Variants in PPP6R3 observed in about 807,000 individuals in gnomAD.
PPP6R3 encodes protein phosphatase 6 regulatory subunit 3.
PPP6R3 carries 38 observed loss-of-function variants against 110.7 expected under a neutral mutation model. The ratio of observed to expected loss-of-function variants is 0.34; its 90% CI spans 0.26 to 0.45. PPP6R3 has a LOEUF of 0.45. Ranked by LOEUF, PPP6R3 falls within the 20% of genes least tolerant of loss-of-function variation. The pLI, the probability that PPP6R3 is intolerant of heterozygous loss-of-function variation, is 1.00. For missense variants in PPP6R3, 870 were observed against 1,062.4 expected (o/e 0.82, Z 2.52); for synonymous variants, 369 against 373.5 (o/e 0.99, Z 0.14).
intron 1 of PPP6R3, among the ~76,000 whole-genome samples, chr11:68,472,743 A>G (rs2098801140): frequency 6.6e-6 from 1 of 152,132 alleles, no homozygotes; most frequent in Non-Finnish European, 1.5e-5. Flanking sequence ...ACCACAATCT[A>G]ACTTTGTAAC....
intron 3 of PPP6R3, among the ~76,000 whole-genome samples, chr11:68,540,779 TC>T (rs930294519): frequency 8.5e-5 from 13 of 152,180 alleles, no homozygotes; most frequent in African/African-American, 2.9e-4. Flanking sequence ...GCGATATTTC[TC>T]CCATTTGCTT....
chr11:68,492,943 C>T (rs2153445481), intron 1 of PPP6R3, among the ~76,000 whole-genome samples: 1 of 152,248 alleles, frequency 6.6e-6, no homozygotes, highest in Non-Finnish European at 1.5e-5. Flanking sequence ...TCTTAATTTT[C>T]TTCTGGGCCA....
intron 1 of PPP6R3, among the ~76,000 whole-genome samples, chr11:68,496,638 A>C (rs1224025271): frequency 6.6e-6 from 1 of 151,436 alleles, no homozygotes; most frequent in Admixed American, 6.6e-5. Flanking sequence ...GCATCTGGCT[A>C]ATTTTTGTAT....
At chr11:68,467,838 G>A (rs1023397897) in intron 1 of PPP6R3, among the ~76,000 whole-genome samples, 1 of 152,146 alleles carries the variant, frequency 6.6e-6, no homozygotes, top group Non-Finnish European at 1.5e-5. Context: ...GTAGTGGCGC[G>A]ATCTCGGCTC....
chr11:68,477,957 T>C (rs906548339), intron 1 of PPP6R3, among the ~76,000 whole-genome samples: 2 of 151,128 alleles, frequency 1.3e-5, no homozygotes, highest in African/African-American at 2.4e-5. Context: ...GCTGGTCTTT[T>C]TTTTTTCTTC....
chr11:68,551,305 C>T (rs2099373811), intron 6 of PPP6R3, 119 bp downstream of exon 6: 3 of 731,362 alleles, frequency 4.1e-6, no homozygotes, highest in Non-Finnish European at 6.7e-6. Context: ...GGGAGAATAG[C>T]AGCGATCTAG....
At chr11:68,561,009 G>A (rs193269336) in intron 8 of PPP6R3, among the ~76,000 whole-genome samples, 1 of 147,642 alleles carries the variant, frequency 6.8e-6, no homozygotes, top group Admixed American at 7.0e-5. Flanking sequence ...CCATTCTCCT[G>A]CCTCAGTCTC....
chr11:68,612,179 T>C (rs1214932399), intron 23 of PPP6R3, among the ~76,000 whole-genome samples: 1 of 152,214 alleles, frequency 6.6e-6, no homozygotes, highest in Non-Finnish European at 1.5e-5. Context: ...ATACCAGTTA[T>C]GTCTAGTTCC....
intron 14 of PPP6R3, among the ~76,000 whole-genome samples, chr11:68,581,406 C>T (rs567914845): frequency 6.6e-6 from 1 of 152,310 alleles, no homozygotes; most frequent in Non-Finnish European, 1.5e-5. Context: ...GAGGATACAT[C>T]GAATCCTATT....
intron 22 of PPP6R3, chr11:68,609,362 T>C (rs1942125934): frequency 6.0e-6 from 4 of 669,366 alleles, no homozygotes; most frequent in African/African-American, 1.8e-5. Flanking sequence ...GGTGACCTCA[T>C]GTGACTGAGG....
intron 11 of PPP6R3, 115 bp from the exon 12 acceptor site, chr11:68,570,925 C>T: frequency 7.6e-7 from 1 of 1,315,424 alleles, no homozygotes. Context: ...GGCTTAGTAA[C>T]ATTTAGCTTG....
intron 8 of PPP6R3, among the ~76,000 whole-genome samples, chr11:68,560,654 A>T (rs2099415496): frequency 6.6e-6 from 1 of 152,216 alleles, no homozygotes; most frequent in Admixed American, 6.5e-5. Flanking sequence ...AATACAGTAG[A>T]GGGAACTCTT....
chr11:68,613,804 C>T lies in PPP6R3; in HGVS notation c.*687C>T, dbSNP rs1944594190. The T allele has an allele frequency of 5.1e-6, 5 of 984,806 alleles. No homozygotes were observed. Among genetic ancestry groups the T allele is most frequent in the Non-Finnish European group, 2.4e-6 (2 of 829,328 alleles). The allele number at this position is 984,806 out of a possible 1,614,324, so 61.0% of individuals were successfully genotyped here. ...TTGATAAATTGATGTTATCGTAAAG[C>T]CATATGTTCTGTTCAAGTCTTGTTT... is the stretch of plus-strand genomic sequence containing the variant. On this transcript the variant is annotated 3_prime_UTR_variant, in exon 24 of 24. Coordinates refer to ENST00000393800, the MANE Select transcript of PPP6R3 (RefSeq NM_001164161.2).
intron 1 of PPP6R3, among the ~76,000 whole-genome samples, chr11:68,485,716 CAA>C (rs35573663): frequency 0.058 from 8,893 of 152,198 alleles, 341 homozygotes; most frequent in Middle Eastern, 0.085. Flanking sequence ...TATTTTGAGA[CAA>C]GAGTCTCACT....
chr11:68,579,918 A>C (rs1303665369), intron 14 of PPP6R3, among the ~76,000 whole-genome samples: 1 of 152,224 alleles, frequency 6.6e-6, no homozygotes, highest in African/African-American at 2.4e-5. Context: ...GAACTCTATG[A>C]TGTTCGCATG....
At chr11:68,609,320 CGAG>C (rs1942090493) in intron 22 of PPP6R3, among the ~76,000 whole-genome samples, 1 of 152,220 alleles carries the variant, frequency 6.6e-6, no homozygotes, top group Non-Finnish European at 1.5e-5. Context: ...GAGGGCAACT[CGAG>C]GAGCCGTGAA....
chr11:68,529,581 T>C (rs2099224787), intron 2 of PPP6R3, among the ~76,000 whole-genome samples: 1 of 152,234 alleles, frequency 6.6e-6, no homozygotes, highest in Admixed American at 6.5e-5. Flanking sequence ...CCTGTGCCTC[T>C]TGATGCAAGA....
chr11:68,462,687 A>C (rs2098716733), intron 1 of PPP6R3, among the ~76,000 whole-genome samples: 1 of 152,220 alleles, frequency 6.6e-6, no homozygotes, highest in Non-Finnish European at 1.5e-5. Flanking sequence ...GGAGTCTAGA[A>C]CATTGAACAA....
chr11:68,501,386 G>A (rs1225200971), intron 1 of PPP6R3, among the ~76,000 whole-genome samples: 1 of 152,230 alleles, frequency 6.6e-6, no homozygotes, highest in Non-Finnish European at 1.5e-5. Context: ...GGAGGGCAGT[G>A]GCGGGATCTC....
Sources: allele counts gnomAD v4.1 joint callset (sites outside exome capture counted in the v4.1 genomes callset), GRCh38; gene constraint gnomAD v4.1.1; transcripts MANE v1.5; gene names NCBI Gene and HGNC (gene_info 2026-07-23, HGNC 2026-07-21).